Variants in WWOX observed in about 807,000 individuals in gnomAD.
The protein encoded by WWOX is WW domain-containing oxidoreductase.
WWOX carries 69 observed loss-of-function variants against 46.2 expected under a neutral mutation model. The ratio of observed to expected loss-of-function variants is 1.49; its 90% CI spans 1.23 to 1.82. The LOEUF (loss-of-function observed/expected upper bound fraction) is 1.82, where lower values mean the gene tolerates loss of function less well. Among genes scored for constraint, WWOX ranks in the 40% most tolerant of loss-of-function variants. The pLI is 0.00. For missense variants in WWOX, 919 were observed against 542.6 expected, an observed-to-expected ratio of 1.69 and a Z score of -6.89; for synonymous variants, 359 against 202.6, an observed-to-expected ratio of 1.77 and a Z score of -6.56.
chr16:78,831,328 T>A (rs1030029541), intron 8 of WWOX, among the ~76,000 whole-genome samples: 2 of 152,226 alleles, frequency 1.3e-5, no homozygotes, highest in African/African-American at 4.8e-5. Flanking sequence ...AAGTAGCCCC[T>A]GACCAGCCTC....
At chr16:78,883,766 T>A (rs533370144) in intron 8 of WWOX, among the ~76,000 whole-genome samples, 1 of 151,690 alleles carries the variant, frequency 6.6e-6, no homozygotes, top group Non-Finnish European at 1.5e-5. Context: ...AAGCGTACCA[T>A]GGTCATGTGA....
chr16:79,042,464 C>T (rs2047989671), intron 8 of WWOX, among the ~76,000 whole-genome samples: 1 of 152,120 alleles, frequency 6.6e-6, no homozygotes, highest in African/African-American at 2.4e-5. Flanking sequence ...TCTTCCTCTG[C>T]CCAGTGTAAA....
At chr16:78,383,537 C>A (rs189652880) in intron 5 of WWOX, among the ~76,000 whole-genome samples, 1 of 152,080 alleles carries the variant, frequency 6.6e-6, no homozygotes, top group Non-Finnish European at 1.5e-5. Flanking sequence ...GTTCACCTCT[C>A]GAAAAGGGGT....
intron 8 of WWOX, among the ~76,000 whole-genome samples, chr16:79,192,901 G>A (rs143263798): frequency 5.6e-4 from 85 of 152,290 alleles, no homozygotes; most frequent in African/African-American, 2.0e-3. Flanking sequence ...TGAGGTTAAG[G>A]ACCTGCTGTC....
rs555851530 is a variant in WWOX at position 78,718,157 on chromosome 16, C to CT, written c.1056+285411dup. ...GGGCCATTGCATGTTTATAGTATCT[C>CT]TTTTTTATGGCTGCCCAAGTTATTA... On this transcript the variant is annotated intron_variant, in intron 8 of 8. Coordinates refer to ENST00000566780, the MANE Select transcript of WWOX (RefSeq NM_016373.4). 4.5e-3 allele frequency among the ~76,000 whole-genome samples: 582 copies of CT among 129,692 alleles called. 2 individuals carry two copies. Among genetic ancestry groups the CT allele is most frequent in the African/African-American group, 0.017 (562 of 32,728 alleles). The allele number at this position is 129,692 out of a possible 152,430, so 85.1% of individuals were successfully genotyped here. A position where few individuals can be genotyped will look rare whatever the true frequency, so the allele number is the denominator to read the frequency against.
intron 8 of WWOX, among the ~76,000 whole-genome samples, chr16:79,066,790 G>C (rs527250945): frequency 1.3e-5 from 2 of 152,212 alleles, no homozygotes; most frequent in Admixed American, 1.3e-4. Flanking sequence ...CAATGGTCCA[G>C]GTCAAACGAG....
intron 8 of WWOX, among the ~76,000 whole-genome samples, chr16:78,946,880 A>G (rs1428085976): frequency 6.6e-6 from 1 of 152,146 alleles, no homozygotes; most frequent in Non-Finnish European, 1.5e-5. Flanking sequence ...ACAAGAGGAC[A>G]TCACACGATG....
intron 8 of WWOX, among the ~76,000 whole-genome samples, chr16:78,911,327 C>A (rs962128450): frequency 1.3e-5 from 2 of 152,032 alleles, no homozygotes; most frequent in East Asian, 3.9e-4. Context: ...TGACCTTTAC[C>A]ATAAATCACA....
intron 8 of WWOX, among the ~76,000 whole-genome samples, chr16:78,929,010 G>T (rs899120796): frequency 6.6e-6 from 1 of 152,066 alleles, no homozygotes; most frequent in African/African-American, 2.4e-5. Context: ...TATAATATAC[G>T]TTCACATATA....
At chr16:78,435,664 C>A (rs1259583696) in intron 8 of WWOX, among the ~76,000 whole-genome samples, 2 of 152,130 alleles carry the variant, frequency 1.3e-5, no homozygotes, top group African/African-American at 4.8e-5. Flanking sequence ...TGGGATTTGA[C>A]ATGACTTCCT....
intron 8 of WWOX, among the ~76,000 whole-genome samples, chr16:78,874,512 C>T (rs934847861): frequency 1.3e-5 from 2 of 151,948 alleles, no homozygotes; most frequent in African/African-American, 4.8e-5. Context: ...CTGGCCAGGG[C>T]TCACTGCAGC....
At chr16:78,103,682 T>C (rs1284876891) in intron 1 of WWOX, among the ~76,000 whole-genome samples, 1 of 152,158 alleles carries the variant, frequency 6.6e-6, no homozygotes, top group Non-Finnish European at 1.5e-5. Context: ...GAAGTGACAC[T>C]TGTTTTTCTC....
intron 4 of WWOX, among the ~76,000 whole-genome samples, chr16:78,144,103 G>A (rs2034082461): frequency 6.6e-6 from 1 of 151,902 alleles, no homozygotes; most frequent in African/African-American, 2.4e-5. Context: ...CCTGCCCCTT[G>A]GCTCAGGCAA....
At chr16:78,108,326 A>G in intron 1 of WWOX, 97 bp from the exon 2 acceptor site, 8 of 1,227,370 alleles carry the variant, frequency 6.5e-6, no homozygotes, top group Non-Finnish European at 9.3e-6. Flanking sequence ...TCCTTCTTAT[A>G]TCTGGCTATC....
intron 8 of WWOX, among the ~76,000 whole-genome samples, chr16:78,727,618 G>A (rs1022237430): frequency 3.3e-5 from 5 of 152,110 alleles, no homozygotes; most frequent in African/African-American, 1.2e-4. Flanking sequence ...CATTCCCTTC[G>A]ATTCTTTGAA....
At chr16:78,336,497 CTA>C (rs1285073535) in intron 5 of WWOX, among the ~76,000 whole-genome samples, 1 of 101,810 alleles carries the variant, frequency 9.8e-6, no homozygotes, top group Non-Finnish European at 1.7e-5. Context: ...CAGAGAGAGA[CTA>C]TGTCTCAAAA....
At chr16:78,450,006 T>G (rs1284789318) in intron 8 of WWOX, among the ~76,000 whole-genome samples, 1 of 151,728 alleles carries the variant, frequency 6.6e-6, no homozygotes, top group Non-Finnish European at 1.5e-5. Context: ...TGTTTTGTTA[T>G]GATTTTTTTT....
intron 8 of WWOX, among the ~76,000 whole-genome samples, chr16:78,658,385 T>G (rs553988772): frequency 6.6e-6 from 1 of 152,222 alleles, no homozygotes; most frequent in African/African-American, 2.4e-5. Flanking sequence ...AGTCACTAAT[T>G]TAATCCTCAC....
chr16:78,426,763 A>G (rs1412019011), intron 7 of WWOX, among the ~76,000 whole-genome samples: 2 of 152,150 alleles, frequency 1.3e-5, no homozygotes, highest in African/African-American at 2.4e-5. Context: ...TCCCAGGGTT[A>G]AGCGATTCTC....
Sources: gnomAD v4.1 joint callset for allele counts (sites outside exome capture counted in the v4.1 genomes callset) on GRCh38, gnomAD v4.1.1 for gene constraint, MANE v1.5 for transcripts, NCBI Gene and HGNC (gene_info 2026-07-23, HGNC 2026-07-21) for gene names.